Variants in EPHA6 observed in about 807,000 individuals in gnomAD.
EPHA6 encodes the protein ephrin type-A receptor 6.
EPHA6 carries 50 observed loss-of-function variants against 112.0 expected under a neutral mutation model. That is an observed-to-expected ratio of 0.45 (90% CI 0.36 to 0.56). The LOEUF (loss-of-function observed/expected upper bound fraction) is 0.56. Ranked by LOEUF, EPHA6 falls within the 20% of genes least tolerant of loss-of-function variation. The probability of loss-of-function intolerance (pLI) is 0.00; values close to 1 mark genes in which losing one functional copy is unlikely to be tolerated. For missense variants in EPHA6, 1,280 were observed against 1,417.4 expected, an observed-to-expected ratio of 0.90 and a Z score of 1.56; for synonymous variants, 529 against 490.7, an observed-to-expected ratio of 1.08 and a Z score of -1.03.
chr3:97,654,623 C>T (rs2094127103), intron 14 of EPHA6, among the ~76,000 whole-genome samples: 1 of 151,584 alleles, frequency 6.6e-6, no homozygotes, highest in Admixed American at 6.6e-5. Context: ...AGGTACCAGC[C>T]AGGAAAAGAT....
At chr3:97,500,480 G>C (rs2092090965) in intron 10 of EPHA6, among the ~76,000 whole-genome samples, 1 of 151,984 alleles carries the variant, frequency 6.6e-6, no homozygotes, top group Non-Finnish European at 1.5e-5. Context: ...CTACATACTT[G>C]TAAACGACCA....
intron 5 of EPHA6, among the ~76,000 whole-genome samples, chr3:97,366,180 G>A (rs868642263): frequency 2.0e-5 from 3 of 152,178 alleles, no homozygotes; most frequent in Middle Eastern, 3.4e-3. Context: ...GTGATTTATT[G>A]ATCCTTTGTA....
intron 3 of EPHA6, among the ~76,000 whole-genome samples, chr3:97,172,906 G>A (rs558445694): frequency 1.8e-4 from 27 of 152,026 alleles, no homozygotes; most frequent in African/African-American, 4.8e-4. Context: ...TGAGCAAACA[G>A]AATGCTATTC....
intron 3 of EPHA6, among the ~76,000 whole-genome samples, chr3:97,011,116 T>G (rs569329652): frequency 6.6e-5 from 10 of 152,274 alleles, no homozygotes; most frequent in Admixed American, 6.5e-4. Context: ...GGAAAGCAGC[T>G]TTATTCAAGT....
intron 3 of EPHA6, among the ~76,000 whole-genome samples, chr3:97,158,046 A>T (rs931874755): frequency 3.3e-5 from 5 of 152,174 alleles, no homozygotes; most frequent in Admixed American, 6.5e-5. Context: ...TAACAAGGTC[A>T]TGTTTCCTCC....
At chr3:97,355,383 GTGTT>G (rs1229649130) in intron 5 of EPHA6, among the ~76,000 whole-genome samples, 39 of 152,242 alleles carry the variant, frequency 2.6e-4, no homozygotes, top group Admixed American at 1.4e-3. Context: ...TAAAGTTAGA[GTGTT>G]TGTTAGTTAT....
In EPHA6 at chr3:96,978,990, T is replaced by G. The variant is rs190656085; in HGVS notation, c.451-8340T>G. Reference sequence around the variant, plus strand: ...TATTTTCAGAGAATTAATTTTTTGTTGAACATGGTTAATGCTTTTTGTTAA... The same window carrying G: ...TATTTTCAGAGAATTAATTTTTTGTGGAACATGGTTAATGCTTTTTGTTAA... On this transcript the variant is annotated intron_variant, in intron 2 of 17. Transcript: ENST00000389672. Among the ~76,000 whole-genome samples, 122 of 152,308 alleles carry G rather than the reference T, an allele frequency of 8.0e-4. 1 individual carries two copies. The highest frequency in any genetic ancestry group is 2.8e-3 in the African/African-American group (117 of 41,568).
chr3:97,298,586 A>G (rs1487793518), intron 5 of EPHA6, among the ~76,000 whole-genome samples: 1 of 152,178 alleles, frequency 6.6e-6, no homozygotes, highest in African/African-American at 2.4e-5. Context: ...AATTGTCTAT[A>G]ATGTGATAGG....
At chr3:97,047,441 A>G (rs1349471846) in intron 3 of EPHA6, among the ~76,000 whole-genome samples, 1 of 145,590 alleles carries the variant, frequency 6.9e-6, no homozygotes, top group African/African-American at 2.6e-5. Context: ...TGGAGCTTGC[A>G]GTGAGCAGAG....
chr3:97,758,739 T>C lies in EPHA6; in HGVS notation c.*10038T>C, dbSNP rs1399085162. ...CATTTAAACTGATATCTGAAAAGCA[T>C]GAAGGAAGCATCCATGAGAAGATAT... On this transcript the variant is annotated 3_prime_UTR_variant, in exon 18 of 18. Coordinates refer to ENST00000389672, the MANE Select transcript of EPHA6 (RefSeq NM_001080448.3). Among the ~76,000 whole-genome samples, 1 of 151,820 alleles carries C rather than the reference T, an allele frequency of 6.6e-6. No individual in the cohort carries two copies. The highest frequency in any genetic ancestry group is 1.5e-5 in the Non-Finnish European group (1 of 67,870).
At chr3:97,634,252 A>C (rs962931769) in intron 13 of EPHA6, among the ~76,000 whole-genome samples, 9 of 152,220 alleles carry the variant, frequency 5.9e-5, no homozygotes, top group African/African-American at 2.2e-4. Flanking sequence ...TAAGACCTGT[A>C]AAAACCTTAG....
chr3:97,648,202 T>C (rs1265708439), intron 14 of EPHA6: 2 of 631,742 alleles, frequency 3.2e-6, no homozygotes, highest in Non-Finnish European at 2.8e-6. Flanking sequence ...TTTGTTGAAA[T>C]ACAGAGCCTC....
intron 1 of EPHA6, among the ~76,000 whole-genome samples, chr3:96,854,008 T>C (rs1042008517): frequency 6.6e-6 from 1 of 151,858 alleles, no homozygotes; most frequent in Non-Finnish European, 1.5e-5. Flanking sequence ...ATACTTAAAG[T>C]ATTCTGTGTT....
chr3:97,506,504 T>C (rs2092256543), intron 10 of EPHA6, among the ~76,000 whole-genome samples: 1 of 152,246 alleles, frequency 6.6e-6, no homozygotes, highest in South Asian at 2.1e-4. Context: ...ATTGGTGGAG[T>C]TAGTTCTGAG....
chr3:97,320,823 T>TAAAA lies in EPHA6; in HGVS notation c.1606+76541_1606+76544dup, dbSNP rs1436490113. On this transcript the variant is annotated intron_variant, in intron 5 of 17. Transcript: ENST00000389672. The stretch of plus-strand genomic sequence containing the variant: ...TTCTGTGTTCTCTGGGGGCAAAAAA[T>TAAAA]AAAAAAAATAAAAAAAAAGGGATGA... 1.9e-3 allele frequency among the ~76,000 whole-genome samples: 155 copies of TAAAA among 80,800 alleles called. 2 individuals are homozygous for TAAAA. The highest frequency in any genetic ancestry group is 3.2e-3 in the Non-Finnish European group (99 of 30,950). The allele number at this position is 80,800 out of a possible 152,430, so 53.0% of individuals were successfully genotyped here.
At chr3:96,903,370 T>C (rs1575981888) in intron 2 of EPHA6, among the ~76,000 whole-genome samples, 1 of 152,200 alleles carries the variant, frequency 6.6e-6, no homozygotes, top group East Asian at 1.9e-4. Flanking sequence ...TGCGATTTTG[T>C]CTACAGATCA....
intron 11 of EPHA6, among the ~76,000 whole-genome samples, chr3:97,579,024 C>A (rs2093413691): frequency 6.6e-6 from 1 of 152,228 alleles, no homozygotes; most frequent in Admixed American, 6.5e-5. Flanking sequence ...TCTCGACAAG[C>A]CTGTTCCACT....
chr3:97,207,261 T>C (rs955267868), intron 3 of EPHA6, among the ~76,000 whole-genome samples: 1 of 152,156 alleles, frequency 6.6e-6, no homozygotes, highest in Admixed American at 6.6e-5. Context: ...CAAGGGTCAC[T>C]TATTTATTTT....
Position 97,586,618 on chromosome 3 carries a change from CAAAGT to C in EPHA6, c.2387-5991_2387-5987del, listed in dbSNP as rs1331034841. ...GAATGGAGGGAAATACACAGTCTGA[CAAAGT>C]AAGGATAAATGAAATTAGATAGGAG... On this transcript the variant is annotated intron_variant, in intron 11 of 17. Transcript: ENST00000389672. Among the ~76,000 whole-genome samples, 5 of 151,252 alleles carry C rather than the reference CAAAGT, an allele frequency of 3.3e-5. No homozygotes were observed. In the East Asian group the frequency reaches 9.7e-4, roughly 29 times the overall value.
Sources: allele counts gnomAD v4.1 joint callset (sites outside exome capture counted in the v4.1 genomes callset), GRCh38; gene constraint gnomAD v4.1.1; transcripts MANE v1.5; gene names NCBI Gene and HGNC (gene_info 2026-07-23, HGNC 2026-07-21).